The following SENP2 variants were observed in gnomAD, a reference collection of about 807,000 sequenced individuals.
SENP2 encodes the protein SUMO specific peptidase 2.
SENP2 carries 16 observed loss-of-function variants against 86.3 expected under a neutral mutation model. The ratio of observed to expected loss-of-function variants is 0.19; its 90% CI spans 0.13 to 0.28. The LOEUF is 0.28. Ranked by LOEUF, SENP2 falls within the 10% of genes least tolerant of loss-of-function variation. The pLI is 1.00. For missense variants in SENP2, 552 were observed against 703.0 expected (o/e 0.79, Z 2.43); for synonymous variants, 222 against 238.7 (o/e 0.93, Z 0.64).
At chr3:185,618,323 A>G (rs1711699815) in intron 12 of SENP2, among the ~76,000 whole-genome samples, 1 of 152,164 alleles carries the variant, frequency 6.6e-6, no homozygotes, top group Non-Finnish European at 1.5e-5. Context: ...TAGCTGAAAA[A>G]TTTTGCCTAA....
At chr3:185,620,554 T>C (rs576668415) in intron 13 of SENP2, among the ~76,000 whole-genome samples, 2 of 152,194 alleles carry the variant, frequency 1.3e-5, no homozygotes, top group East Asian at 3.9e-4. Flanking sequence ...GCAATTCTCC[T>C]GCATCAGCCT....
chr3:185,618,106 G>A (rs1711691713), intron 12 of SENP2, among the ~76,000 whole-genome samples: 1 of 152,044 alleles, frequency 6.6e-6, no homozygotes, highest in Non-Finnish European at 1.5e-5. Flanking sequence ...CACCATGCCC[G>A]GCTAATTTTG....
rs192619376 is a variant in SENP2, at chr3:185,629,740, A to G, written c.1708-42A>G. On this transcript the variant is annotated intron_variant, in intron 16 of 16. Transcript: ENST00000296257. ...ACCTGAAGGTTGTGCTGCCATGCAC[A>G]TTAATATGTAATGCGGGCGTTGTTT... 24 of 1,601,502 alleles carry G rather than the reference A, an allele frequency of 1.5e-5. No individual in the cohort carries two copies. The East Asian group carries it at 5.4e-4, about 36-fold the overall frequency.
At position 185,611,648 on chromosome 3, in the gene SENP2, A is replaced by C. The variant is rs542566238; in HGVS notation, c.723-3A>C. The C allele has an allele frequency of 1.2e-6, 2 of 1,606,878 alleles. No individual in the cohort carries two copies. Among genetic ancestry groups the C allele is most frequent in the Non-Finnish European group, 1.7e-6 (2 of 1,174,538 alleles). On this transcript the variant is annotated splice_polypyrimidine_tract_variant and splice_region_variant and intron_variant, in intron 7 of 16. Transcript: ENST00000296257. Reference sequence around the variant, plus strand: ...GATCTCCCTCACTTTTTGTGTTTCTAAGTTCTCAAAGAAGTCAGATGGACA... The same window carrying C: ...GATCTCCCTCACTTTTTGTGTTTCTCAGTTCTCAAAGAAGTCAGATGGACA...
At chr3:185,597,777 CT>C (rs1477285778) in intron 2 of SENP2, among the ~76,000 whole-genome samples, 1 of 152,010 alleles carries the variant, frequency 6.6e-6, no homozygotes, top group Admixed American at 6.6e-5. Context: ...CCTCAGCCTC[CT>C]GAATAGGTGG....
chr3:185,610,936 C>T (rs1361416128), intron 7 of SENP2, among the ~76,000 whole-genome samples: 3 of 151,738 alleles, frequency 2.0e-5, no homozygotes, highest in African/African-American at 7.3e-5. Context: ...CCAGCCTGAG[C>T]TACAGATCGA....
intron 1 of SENP2, among the ~76,000 whole-genome samples, chr3:185,587,732 A>ATTTTT (rs59565990): frequency 1.4e-5 from 1 of 73,026 alleles, no homozygotes; most frequent in African/African-American, 5.9e-5. Context: ...ATGCCCGGCT[A>ATTTTT]TTTTTTTTTT....
intron 2 of SENP2, among the ~76,000 whole-genome samples, chr3:185,593,877 C>T (rs1317754521): frequency 6.6e-6 from 1 of 151,882 alleles, no homozygotes; most frequent in African/African-American, 2.4e-5. Context: ...TACAGGCGCC[C>T]ACCACTATGC....
chr3:185,606,462 C>T lies in SENP2; in HGVS notation c.582C>T (p.Gly194=). Residue 194 remains glycine, a synonymous_variant, in exon 6 of 17, where the codon GGC becomes GGT. Transcript: ENST00000296257. ...CAGAGATGATTTCTGAAGAGAGTGG[C>T]AAGGGTCTGAGGCGTCCCCATTGTA... ...AVTEMISEES[G]KGLRRPHCTV... is the part of the protein sequence containing the mutation. The T allele has an allele frequency of 2.5e-6, 4 of 1,613,642 alleles. No individual in the cohort carries two copies. The highest frequency in any genetic ancestry group is 3.4e-6 in the Non-Finnish European group (4 of 1,179,884).
intron 8 of SENP2, 55 bp downstream of exon 8, chr3:185,611,800 G>A (rs1423635027): frequency 8.4e-7 from 1 of 1,191,802 alleles, no homozygotes; most frequent in Non-Finnish European, 1.2e-6. Flanking sequence ...TCATGCTACA[G>A]TGTTCATATG....
chr3:185,587,479 T>G (rs1721823697), intron 1 of SENP2, among the ~76,000 whole-genome samples: 1 of 152,152 alleles, frequency 6.6e-6, no homozygotes. Context: ...GTGTCCCATT[T>G]TATTGTATCG....
intron 2 of SENP2, 74 bp downstream of exon 2, chr3:185,590,243 G>T: frequency 1.3e-6 from 1 of 771,138 alleles, no homozygotes; most frequent in Non-Finnish European, 2.0e-6. Context: ...AATTCAAAAG[G>T]TAAAAAGTAT....
chr3:185,607,186 A>G (rs933656834), intron 6 of SENP2, among the ~76,000 whole-genome samples: 18 of 152,112 alleles, frequency 1.2e-4, no homozygotes, highest in African/African-American at 4.1e-4. Context: ...CTTCTAAGCA[A>G]GTAACCTCTG....
chr3:185,624,266 C>T (rs1472392241), intron 15 of SENP2, among the ~76,000 whole-genome samples, 184 bp downstream of exon 15: 1 of 151,894 alleles, frequency 6.6e-6, no homozygotes, highest in Non-Finnish European at 1.5e-5. Context: ...TAGTCTCGGG[C>T]CTCCCAAAAC....
intron 1 of SENP2, among the ~76,000 whole-genome samples, chr3:185,589,073 C>A (rs1721894257): frequency 6.6e-6 from 1 of 151,116 alleles, no homozygotes; most frequent in Admixed American, 6.6e-5. Flanking sequence ...TCATTCTATT[C>A]ATTTTTTTTT....
chr3:185,619,525 TA>T (rs780773721), intron 13 of SENP2, 23 bp downstream of exon 13: 2 of 1,602,602 alleles, frequency 1.2e-6, no homozygotes, highest in Non-Finnish European at 1.7e-6. Context: ...GGTTAATGGT[TA>T]ATTGTTGGAC....
chr3:185,612,154 CAA>C (rs1000368377), intron 8 of SENP2: 108 of 82,146 alleles, frequency 1.3e-3, no homozygotes, highest in South Asian at 3.4e-3. Flanking sequence ...GACTCTGTCT[CAA>C]AAAAAAAAAA....
At chr3:185,607,016 T>C in intron 6 of SENP2, 1 of 252,824 alleles carries the variant, frequency 4.0e-6, no homozygotes, top group Non-Finnish European at 8.0e-6. Flanking sequence ...AGTGAGACTC[T>C]TGTCACCCAT....
Position 185,598,451 on chromosome 3 carries a change from C to T in SENP2, c.197C>T (p.Ala66Val). Residue 66 changes from alanine to valine, a missense_variant, in exon 3 of 17, where the codon GCT (alanine) becomes GTT (valine). This residue lies in a region of SENP2 where 383 missense variants were observed against 427.3 expected (regional missense o/e 0.90). Transcript: ENST00000296257. ...CAAGTGAAAAACAGTCTCTACAATG[C>T]TGCCAGCTTATTTGGATTCCCATTC... is the stretch of plus-strand genomic sequence containing the variant. ...IHQVKNSLYN[A>V]ASLFGFPFQL... The T allele has an allele frequency of 2.5e-6, 4 of 1,614,072 alleles. No homozygotes were observed. Among genetic ancestry groups the T allele is most frequent in the Non-Finnish European group, 3.4e-6 (4 of 1,179,918 alleles).
Sources: allele counts gnomAD v4.1 joint callset (sites outside exome capture counted in the v4.1 genomes callset), GRCh38; gene constraint gnomAD v4.1.1; regional missense constraint gnomAD v4.1.1; transcripts MANE v1.5; gene names NCBI Gene and HGNC (gene_info 2026-07-23, HGNC 2026-07-21).